MEGF10: variants seen among roughly 807,000 people sequenced by gnomAD.
MEGF10 encodes the protein multiple EGF like domains 10, also known as multiple epidermal growth factor-like domains protein 10.
MEGF10 carries 86 observed loss-of-function variants against 147.5 expected under a neutral mutation model. That is an observed-to-expected ratio of 0.58 (90% CI 0.49 to 0.70). The LOEUF (loss-of-function observed/expected upper bound fraction) is 0.70, where lower values mean the gene tolerates loss of function less well. Among genes scored for constraint, MEGF10 ranks in the 30% least tolerant of loss-of-function variants. The pLI, the probability that MEGF10 is intolerant of heterozygous loss-of-function variation, is 0.00. For synonymous variants in MEGF10, 478 were observed against 525.5 expected, an observed-to-expected ratio of 0.91 and a Z score of 1.24; for missense variants, 1,329 against 1,487.3, an observed-to-expected ratio of 0.89 and a Z score of 1.75.
intron 4 of MEGF10, among the ~76,000 whole-genome samples, chr5:127,352,468 C>T (rs1381401997): frequency 6.6e-6 from 1 of 152,104 alleles, no homozygotes. Context: ...TCGAGACTAG[C>T]CTGGCCAACA....
At chr5:127,358,683 C>T (rs1762365282) in intron 4 of MEGF10, among the ~76,000 whole-genome samples, 1 of 152,062 alleles carries the variant, frequency 6.6e-6, no homozygotes, top group South Asian at 2.1e-4. Context: ...TGATTTCTTC[C>T]CTAAACAATA....
intron 12 of MEGF10, among the ~76,000 whole-genome samples, 170 bp from the exon 13 acceptor site, chr5:127,422,500 C>T (rs764309001): frequency 2.6e-5 from 4 of 151,804 alleles, no homozygotes; most frequent in South Asian, 2.1e-4. Context: ...GGCAACAGAG[C>T]GAGACTCCAT....
chr5:127,419,363 C>T (rs769590143), intron 11 of MEGF10, 123 bp downstream of exon 11: 28 of 1,162,292 alleles, frequency 2.4e-5, no homozygotes, highest in African/African-American at 3.1e-5. Context: ...GTCTGACCTC[C>T]GCAAGCCCCT....
At chr5:127,403,184 G>A (rs976089495) in intron 8 of MEGF10, among the ~76,000 whole-genome samples, 4 of 152,154 alleles carry the variant, frequency 2.6e-5, no homozygotes, top group Admixed American at 2.0e-4. Context: ...AGAAAAAATG[G>A]CTGTGCTCAT....
At chr5:127,323,682 A>G in intron 1 of MEGF10, among the ~76,000 whole-genome samples, 1 of 152,250 alleles carries the variant, frequency 6.6e-6, no homozygotes, top group Non-Finnish European at 1.5e-5. Flanking sequence ...AGTGGCCTAA[A>G]GCAACAAAGA....
chr5:127,375,355 T>C (rs1318624242), intron 5 of MEGF10, among the ~76,000 whole-genome samples: 1 of 152,228 alleles, frequency 6.6e-6, no homozygotes, highest in Non-Finnish European at 1.5e-5. Context: ...GGTTCCTGCC[T>C]GTGACAAACA....
At chr5:127,385,068 G>C (rs1333515198) in intron 5 of MEGF10, among the ~76,000 whole-genome samples, 1 of 152,048 alleles carries the variant, frequency 6.6e-6, no homozygotes, top group East Asian at 1.9e-4. Flanking sequence ...AATTATTTTG[G>C]TCTCCTCTAA....
At chr5:127,340,004 A>T (rs1446689687) in intron 3 of MEGF10, among the ~76,000 whole-genome samples, 2 of 152,202 alleles carry the variant, frequency 1.3e-5, no homozygotes, top group Non-Finnish European at 2.9e-5. Flanking sequence ...CTTCCCAAGT[A>T]AAATGTAAGT....
chr5:127,359,134 G>A (rs921532355), intron 4 of MEGF10, among the ~76,000 whole-genome samples: 5 of 150,458 alleles, frequency 3.3e-5, no homozygotes, highest in African/African-American at 1.2e-4. Context: ...TCATTTTTTA[G>A]TATTAGCAGT....
intron 17 of MEGF10, among the ~76,000 whole-genome samples, chr5:127,438,800 G>A (rs1244822941): frequency 6.6e-6 from 1 of 152,154 alleles, no homozygotes; most frequent in Non-Finnish European, 1.5e-5. Flanking sequence ...CTGTGTGATG[G>A]TATGCAGTTT....
At chr5:127,299,432 C>T (rs1759666509) in intron 1 of MEGF10, among the ~76,000 whole-genome samples, 4 of 152,136 alleles carry the variant, frequency 2.6e-5, no homozygotes, top group Admixed American at 2.6e-4. Context: ...CATCTAGATA[C>T]CCTCCCTCAC....
At chr5:127,304,549 A>C (rs1226634922) in intron 1 of MEGF10, among the ~76,000 whole-genome samples, 6 of 152,190 alleles carry the variant, frequency 3.9e-5, no homozygotes, top group African/African-American at 1.4e-4. Context: ...GCTGGAGGGC[A>C]GTGGCATCGT....
the MEGF10 span, chr5:127,229,712 C>T: frequency 3.3e-5 from 5 of 152,194 alleles, no homozygotes. Flanking sequence ...CTTCCTCCCT[C>T]ACCTCCTCCG....
At chr5:127,412,693 C>T (rs577545833) in intron 9 of MEGF10, among the ~76,000 whole-genome samples, 9 of 151,484 alleles carry the variant, frequency 5.9e-5, no homozygotes, top group South Asian at 2.2e-4. Context: ...AACAAACAAA[C>T]AAACAAACAA....
chr5:127,411,952 C>T (rs1764582147), intron 9 of MEGF10, among the ~76,000 whole-genome samples: 1 of 152,188 alleles, frequency 6.6e-6, no homozygotes, highest in Non-Finnish European at 1.5e-5. Flanking sequence ...AATAATAAAT[C>T]TATGCAAAGG....
intron 1 of MEGF10, among the ~76,000 whole-genome samples, chr5:127,293,138 C>G (rs1020658300): frequency 6.6e-6 from 1 of 152,114 alleles, no homozygotes; most frequent in Admixed American, 6.5e-5. Context: ...AGAATAACCT[C>G]CAGTGTTCCT....
the MEGF10 span, among the ~76,000 whole-genome samples, chr5:127,279,740 AC>A: frequency 6.6e-6 from 1 of 152,138 alleles, no homozygotes; most frequent in African/African-American, 2.4e-5. Flanking sequence ...TAGACTATCA[AC>A]CCAGCACCCC....
the MEGF10 span, among the ~76,000 whole-genome samples, chr5:127,280,048 A>G: frequency 6.6e-6 from 1 of 151,340 alleles, no homozygotes; most frequent in Non-Finnish European, 1.5e-5. Flanking sequence ...ATATATTATT[A>G]TATTGTATTA....
chr5:127,350,930 G>A (rs560670214), intron 4 of MEGF10, among the ~76,000 whole-genome samples: 6 of 151,212 alleles, frequency 4.0e-5, no homozygotes, highest in Non-Finnish European at 8.8e-5. Context: ...TTTATTATTT[G>A]TGTTGAAAAC....
Sources: gnomAD v4.1 joint callset for allele counts (sites outside exome capture counted in the v4.1 genomes callset) on GRCh38, gnomAD v4.1.1 for gene constraint, MANE v1.5 for transcripts, NCBI Gene and HGNC (gene_info 2026-07-23, HGNC 2026-07-21) for gene names.